The following GRM5 variants were observed in gnomAD, a reference collection of about 807,000 sequenced individuals.
GRM5 encodes glutamate metabotropic receptor 5, also known as metabotropic glutamate receptor 5.
In GRM5, 19 loss-of-function variants were observed where a neutral mutation model predicts 83.1. The ratio of observed to expected loss-of-function variants is 0.23; its 90% CI spans 0.16 to 0.34. The LOEUF is 0.34. GRM5 is among the 10% of genes least tolerant of loss of function. GRM5 has a pLI of 1.00. For missense variants in GRM5, 1,160 were observed against 1,588.3 expected (o/e 0.73, Z 4.58); for synonymous variants, 675 against 633.6 (o/e 1.07, Z -0.98).
intron 2 of GRM5, among the ~76,000 whole-genome samples, chr11:88,985,997 A>G (rs1017824447): frequency 9.2e-5 from 14 of 152,162 alleles, no homozygotes; most frequent in Non-Finnish European, 2.1e-4. Context: ...CCACCACTAT[A>G]CAACCCACCA....
At chr11:88,613,475 A>T (rs1453416851) in intron 4 of GRM5, among the ~76,000 whole-genome samples, 3 of 152,094 alleles carry the variant, frequency 2.0e-5, no homozygotes, top group South Asian at 4.1e-4. Flanking sequence ...TCTTTTAAAA[A>T]ATTATCGTTG....
chr11:89,013,248 A>G (rs1019181590), intron 2 of GRM5, among the ~76,000 whole-genome samples: 12 of 152,210 alleles, frequency 7.9e-5, no homozygotes, highest in Non-Finnish European at 7.4e-5. Context: ...GTCAATTACT[A>G]TTTTAGAGGA....
At chr11:88,555,158 T>G (rs866726094) in intron 8 of GRM5, among the ~76,000 whole-genome samples, 4 of 152,166 alleles carry the variant, frequency 2.6e-5, no homozygotes, top group Admixed American at 1.3e-4. Flanking sequence ...AAAACAGAGT[T>G]AATAATATCT....
At chr11:89,016,179 T>C (rs1198648509) in intron 2 of GRM5, among the ~76,000 whole-genome samples, 1 of 149,996 alleles carries the variant, frequency 6.7e-6, no homozygotes, top group Non-Finnish European at 1.5e-5. Context: ...GTTATAAATA[T>C]ATAGAACCAT....
At chr11:88,676,804 C>G (rs561880070) in intron 3 of GRM5, among the ~76,000 whole-genome samples, 55 of 152,088 alleles carry the variant, frequency 3.6e-4, no homozygotes, top group African/African-American at 1.3e-3. Context: ...GAAGTTAATT[C>G]ATTTAAGTAA....
intron 3 of GRM5, among the ~76,000 whole-genome samples, chr11:88,816,538 C>CAA (rs777360398): frequency 1.0e-3 from 73 of 69,898 alleles, no homozygotes; most frequent in Middle Eastern, 0.018. Flanking sequence ...GACTCCATCT[C>CAA]AAAAAAAAAA....
chr11:88,634,494 C>T (rs528373483), intron 4 of GRM5, among the ~76,000 whole-genome samples: 28 of 151,846 alleles, frequency 1.8e-4, no homozygotes, highest in African/African-American at 6.8e-4. Flanking sequence ...TGTTAAAAAC[C>T]AAGATACCTA....
At chr11:88,661,092 C>T (rs1445451939) in intron 3 of GRM5, among the ~76,000 whole-genome samples, 1 of 152,128 alleles carries the variant, frequency 6.6e-6, no homozygotes, top group African/African-American at 2.4e-5. Context: ...TTTAGTTTTG[C>T]AATTGTCATT....
chr11:88,548,997 G>T (rs1048873596), intron 8 of GRM5, among the ~76,000 whole-genome samples: 1 of 152,074 alleles, frequency 6.6e-6, no homozygotes, highest in Non-Finnish European at 1.5e-5. Context: ...GCAAATCAAT[G>T]GTACAATATA....
chr11:88,648,060 T>G (rs1939513082), intron 4 of GRM5, among the ~76,000 whole-genome samples: 1 of 152,018 alleles, frequency 6.6e-6, no homozygotes, highest in Admixed American at 6.6e-5. Flanking sequence ...TTGGTGGGAC[T>G]GTAAACTAGT....
chr11:89,009,155 T>C (rs1237570283), intron 2 of GRM5: 18 of 695,876 alleles, frequency 2.6e-5, no homozygotes, highest in Non-Finnish European at 4.8e-5. Context: ...GTTTTATAAG[T>C]TAATTTTAAG....
intron 3 of GRM5, among the ~76,000 whole-genome samples, chr11:88,704,899 T>C (rs1302136935): frequency 1.3e-5 from 2 of 152,076 alleles, no homozygotes; most frequent in East Asian, 1.9e-4. Context: ...GTGAAATGAA[T>C]GCATGGTCTC....
intron 3 of GRM5, among the ~76,000 whole-genome samples, chr11:88,796,932 G>C (rs1943289623): frequency 7.6e-6 from 1 of 131,080 alleles, no homozygotes. Context: ...GTGTGTGTGT[G>C]TGTGTGTGTA....
intron 7 of GRM5, among the ~76,000 whole-genome samples, chr11:88,572,179 T>G (rs981127678): frequency 2.6e-5 from 4 of 152,150 alleles, no homozygotes; most frequent in African/African-American, 9.7e-5. Flanking sequence ...AAGTTACAGC[T>G]TTAGGAATCA....
At chr11:88,984,285 A>C (rs1220150099) in intron 2 of GRM5, among the ~76,000 whole-genome samples, 1 of 152,066 alleles carries the variant, frequency 6.6e-6, no homozygotes, top group African/African-American at 2.4e-5. Context: ...TTTATCTTTT[A>C]TATTGTATTT....
intron 2 of GRM5, among the ~76,000 whole-genome samples, chr11:88,973,866 C>A (rs1422960166): frequency 6.6e-6 from 1 of 151,880 alleles, no homozygotes; most frequent in African/African-American, 2.4e-5. Flanking sequence ...TTTTCAATTT[C>A]TATGTAAATT....
chr11:88,630,596 A>T (rs12291784), intron 4 of GRM5, among the ~76,000 whole-genome samples: 1 of 150,194 alleles, frequency 6.7e-6, no homozygotes. Flanking sequence ...CACACATATT[A>T]TGATGGAGTT....
intron 3 of GRM5, among the ~76,000 whole-genome samples, chr11:88,659,416 T>A (rs1319818996): frequency 6.6e-6 from 1 of 152,220 alleles, no homozygotes; most frequent in Non-Finnish European, 1.5e-5. Flanking sequence ...TTCGTACCTG[T>A]GGTTCCAGTA....
intron 4 of GRM5, among the ~76,000 whole-genome samples, chr11:88,617,555 G>A (rs1938517153): frequency 6.6e-6 from 1 of 152,150 alleles, no homozygotes; most frequent in African/African-American, 2.4e-5. Flanking sequence ...AGAGAGCATG[G>A]AGAAAATTCT....
Sources: gnomAD v4.1 joint callset for allele counts (sites outside exome capture counted in the v4.1 genomes callset) on GRCh38, gnomAD v4.1.1 for gene constraint, MANE v1.5 for transcripts, NCBI Gene and HGNC (gene_info 2026-07-23, HGNC 2026-07-21) for gene names.